Variants in CHST11 observed in about 807,000 individuals in gnomAD.
CHST11 encodes C4S-1.
CHST11 carries 9 observed loss-of-function variants against 30.4 expected under a neutral mutation model. The ratio of observed to expected loss-of-function variants is 0.30; its 90% confidence interval spans 0.18 to 0.52. The LOEUF is 0.52. Among genes scored for constraint, CHST11 ranks in the 20% least tolerant of loss-of-function variants. The probability of loss-of-function intolerance (pLI) is 0.97; values close to 1 mark genes in which losing one functional copy is unlikely to be tolerated. For synonymous variants in CHST11, 152 were observed against 187.8 expected, an observed-to-expected ratio of 0.81 and a Z score of 1.56; for missense variants, 348 against 460.6, an observed-to-expected ratio of 0.76 and a Z score of 2.24.
intron 2 of CHST11, among the ~76,000 whole-genome samples, chr12:104,670,619 ACACG>A (rs1249391143): frequency 6.7e-6 from 1 of 149,288 alleles, no homozygotes; most frequent in Non-Finnish European, 1.5e-5. Context: ...ACATCCATAC[ACACG>A]CACTCACACT....
At chr12:104,519,041 G>A (rs952758375) in intron 1 of CHST11, among the ~76,000 whole-genome samples, 1 of 140,790 alleles carries the variant, frequency 7.1e-6, no homozygotes, top group African/African-American at 2.8e-5. Flanking sequence ...ATGTCATGAT[G>A]AACTTTGAGG....
intron 2 of CHST11, among the ~76,000 whole-genome samples, chr12:104,695,512 C>T (rs1475411989): frequency 6.6e-6 from 1 of 151,914 alleles, no homozygotes; most frequent in Admixed American, 6.6e-5. Flanking sequence ...CAAGCATTTC[C>T]TGAGCACCTA....
In CHST11 at chr12:104,678,635, C is replaced by T. The variant is rs568618733; in HGVS notation, c.204+76644C>T. Among the ~76,000 whole-genome samples, 5 of 152,142 alleles carry T rather than the reference C, an allele frequency of 3.3e-5. No homozygotes were observed. In the South Asian group the frequency reaches 8.3e-4, roughly 25 times the overall value. On this transcript the variant is annotated intron_variant, in intron 2 of 2. Coordinates refer to ENST00000303694, the MANE Select transcript of CHST11 (RefSeq NM_018413.6). ...TGATTCAGCAATTGTATCAGTTATC[C>T]GTTGCTACAGTAATTCTGCATAACA...
In CHST11 at chr12:104,513,124, G is replaced by GA. The variant is rs1555229081; in HGVS notation, c.118+55595_118+55596insA. Among the ~76,000 whole-genome samples the GA allele has an allele frequency of 5.4e-4, 21 of 38,802 alleles. No individual in the cohort carries two copies. In the East Asian group the frequency reaches 0.012, roughly 21 times the overall value. 25.5% of individuals were successfully genotyped at this position (38,802 alleles called of 152,430 possible). ...GCCAGTGCTTCCAAATGTCATGACT[G>GA]GGGGGGGGGGGGGTTGGGGGTGGGG... On this transcript the variant is annotated intron_variant, in intron 1 of 2. Coordinates refer to ENST00000303694, the MANE Select transcript of CHST11 (RefSeq NM_018413.6).
At chr12:104,594,551 C>G (rs1192614958) in intron 1 of CHST11, among the ~76,000 whole-genome samples, 1 of 152,172 alleles carries the variant, frequency 6.6e-6, no homozygotes, top group Non-Finnish European at 1.5e-5. Flanking sequence ...CCTCTTCTCC[C>G]CCATCCCCGC....
intron 1 of CHST11, chr12:104,553,111 A>G (rs2038420666): frequency 6.6e-6 from 1 of 152,228 alleles, no homozygotes; most frequent in African/African-American, 2.4e-5. Flanking sequence ...AAGTAACAGT[A>G]CCTTTCTTAT....
chr12:104,473,656 A>T (rs1250443473), intron 1 of CHST11, among the ~76,000 whole-genome samples: 1 of 151,696 alleles, frequency 6.6e-6, no homozygotes, highest in Non-Finnish European at 1.5e-5. Flanking sequence ...CTCTTTTTTT[A>T]GGCTCCCCTT....
At chr12:104,524,098 T>C (rs1176144731) in intron 1 of CHST11, among the ~76,000 whole-genome samples, 1 of 151,912 alleles carries the variant, frequency 6.6e-6, no homozygotes, top group Non-Finnish European at 1.5e-5. Flanking sequence ...GCAAGACTTG[T>C]TTTCTGGATT....
intron 1 of CHST11, among the ~76,000 whole-genome samples, chr12:104,543,109 C>T (rs1347636419): frequency 6.6e-6 from 1 of 152,156 alleles, no homozygotes; most frequent in Admixed American, 6.5e-5. Context: ...AGGAAGCTTC[C>T]AGTCATGGCA....
chr12:104,472,167 G>T (rs532430378), intron 1 of CHST11, among the ~76,000 whole-genome samples: 6 of 150,074 alleles, frequency 4.0e-5, no homozygotes, highest in Admixed American at 3.3e-4. Context: ...TAGAGACAGG[G>T]TCTAGTTATG....
At chr12:104,577,233 C>CTT (rs2038692249) in intron 1 of CHST11, among the ~76,000 whole-genome samples, 1 of 84,488 alleles carries the variant, frequency 1.2e-5, no homozygotes, top group African/African-American at 5.0e-5. Flanking sequence ...TGCAGCCCTT[C>CTT]ATTTTTTTTT....
At chr12:104,623,918 C>A (rs2039186452) in intron 2 of CHST11, among the ~76,000 whole-genome samples, 1 of 152,120 alleles carries the variant, frequency 6.6e-6, no homozygotes, top group African/African-American at 2.4e-5. Flanking sequence ...AGCCACGAAG[C>A]CTTGTGTAGT....
intron 2 of CHST11, among the ~76,000 whole-genome samples, chr12:104,698,467 G>T (rs144073132): frequency 6.6e-6 from 1 of 152,156 alleles, no homozygotes; most frequent in Non-Finnish European, 1.5e-5. Context: ...GTCTGCTTCC[G>T]TAGAGTTATC....
intron 2 of CHST11, among the ~76,000 whole-genome samples, chr12:104,671,752 CTCTCTCTCTCTG>C (rs559173782): frequency 5.4e-4 from 81 of 149,866 alleles, no homozygotes; most frequent in Non-Finnish European, 8.8e-4. Flanking sequence ...CTCTCTTTTT[CTCTCTCTCTCTG>C]TCTCTCTCTC....
chr12:104,503,770 CAGTT>C (rs1288963794), intron 1 of CHST11, among the ~76,000 whole-genome samples: 4 of 152,150 alleles, frequency 2.6e-5, no homozygotes, highest in African/African-American at 4.8e-5. Context: ...GCACGGGACA[CAGTT>C]AGTACCCGTT....
chr12:104,483,200 C>T (rs1205534866), intron 1 of CHST11, among the ~76,000 whole-genome samples: 22 of 152,110 alleles, frequency 1.4e-4, no homozygotes, highest in Admixed American at 1.4e-3. Context: ...CAGTCTCTCC[C>T]CATGCATTTG....
chr12:104,646,653 T>G (rs912611572), intron 2 of CHST11, among the ~76,000 whole-genome samples: 2 of 152,006 alleles, frequency 1.3e-5, no homozygotes, highest in African/African-American at 4.8e-5. Flanking sequence ...GAGCCGAGAT[T>G]GCGCCACTGC....
intron 2 of CHST11, among the ~76,000 whole-genome samples, chr12:104,609,184 C>G (rs1325062797): frequency 1.3e-5 from 2 of 152,228 alleles, no homozygotes; most frequent in Non-Finnish European, 2.9e-5. Context: ...TACCAACCAC[C>G]TGGTAAATGA....
At chr12:104,506,579 A>G (rs2037907409) in intron 1 of CHST11, among the ~76,000 whole-genome samples, 1 of 152,172 alleles carries the variant, frequency 6.6e-6, no homozygotes, top group African/African-American at 2.4e-5. Flanking sequence ...GAGGCTTGGA[A>G]TCAAACAGGC....
Sources: allele counts gnomAD v4.1 joint callset (sites outside exome capture counted in the v4.1 genomes callset), GRCh38; gene constraint gnomAD v4.1.1; transcripts MANE v1.5; gene names NCBI Gene and HGNC (gene_info 2026-07-23, HGNC 2026-07-21).